SBF2: variants seen among roughly 807,000 people sequenced by gnomAD.
SBF2 encodes myotubularin-related protein 13.
Under a neutral mutation model 225.2 loss-of-function variants are expected in SBF2, and 112 were observed. The observed-to-expected ratio is 0.50, with a 90% confidence interval of 0.43 to 0.58. SBF2 has a LOEUF of 0.58. Ranked by LOEUF, SBF2 falls within the 20% of genes least tolerant of loss-of-function variation. The pLI is 0.00. For missense variants in SBF2, 1,996 were observed against 2,206.2 expected, an observed-to-expected ratio of 0.90 and a Z score of 1.91; for synonymous variants, 763 against 773.3, an observed-to-expected ratio of 0.99 and a Z score of 0.22.
At chr11:10,253,917 G>A (rs776894026) in intron 1 of SBF2, among the ~76,000 whole-genome samples, 4 of 152,132 alleles carry the variant, frequency 2.6e-5, no homozygotes, top group Non-Finnish European at 2.9e-5. Context: ...TATGGGAAAT[G>A]CAAATTAAAA....
intron 13 of SBF2, among the ~76,000 whole-genome samples, chr11:9,974,184 ATG>A (rs1366002267): frequency 6.6e-6 from 1 of 152,182 alleles, no homozygotes; most frequent in African/African-American, 2.4e-5. Context: ...ATTCAACTGA[ATG>A]TCTTATCCTT....
chr11:10,181,955 T>C (rs992325378), intron 2 of SBF2, among the ~76,000 whole-genome samples: 17 of 152,182 alleles, frequency 1.1e-4, no homozygotes, highest in African/African-American at 3.9e-4. Flanking sequence ...ATTTTGTACA[T>C]TGGTGACTTT....
At chr11:10,146,751 A>G (rs1954905485) in intron 2 of SBF2, among the ~76,000 whole-genome samples, 1 of 152,218 alleles carries the variant, frequency 6.6e-6, no homozygotes, top group Non-Finnish European at 1.5e-5. Flanking sequence ...GAGCTTCTGC[A>G]CAGCAAAAGA....
intron 9 of SBF2, among the ~76,000 whole-genome samples, chr11:9,996,904 G>C (rs1947728210): frequency 6.6e-6 from 1 of 152,206 alleles, no homozygotes; most frequent in Non-Finnish European, 1.5e-5. Flanking sequence ...AAGACCAGGA[G>C]ACAGCCTAGA....
chr11:9,822,660 T>C lies in SBF2; in HGVS notation c.3794-5636A>G, dbSNP rs191807491. On this transcript the variant is annotated intron_variant, in intron 28 of 39. Coordinates refer to ENST00000256190, the MANE Select transcript of SBF2 (RefSeq NM_030962.4). ...CTGCTTCAGGGAAGATATGACACAG[T>C]TCATTTTCCCCATAGGAATGCGTTA... Among the ~76,000 whole-genome samples, 10 of 152,308 alleles carry C rather than the reference T, an allele frequency of 6.6e-5. No individual in the cohort carries two copies. In the East Asian group the frequency reaches 1.9e-3, roughly 29 times the overall value.
chr11:9,927,839 C>T lies in SBF2; in HGVS notation c.1861-31828G>A, dbSNP rs181969684. 5.3e-5 allele frequency among the ~76,000 whole-genome samples: 8 copies of T among 152,148 alleles called. No homozygotes were observed. In the East Asian group the frequency reaches 1.3e-3, roughly 26 times the overall value. ...GCTAATGTCTGCACTTAAATCTATACTATTTTTCACAAAAGTGCAAAGCCA... is the reference window on the plus strand; with the variant it reads ...GCTAATGTCTGCACTTAAATCTATATTATTTTTCACAAAAGTGCAAAGCCA... On this transcript the variant is annotated intron_variant, in intron 16 of 39. Transcript: ENST00000256190.
intron 8 of SBF2, among the ~76,000 whole-genome samples, chr11:10,000,659 A>C (rs1947916806): frequency 6.6e-6 from 1 of 152,210 alleles, no homozygotes; most frequent in South Asian, 2.1e-4. Context: ...ATGTAAGATG[A>C]ATAATAAAGA....
intron 13 of SBF2, among the ~76,000 whole-genome samples, chr11:9,971,918 G>A (rs1946477660): frequency 6.6e-6 from 1 of 152,150 alleles, no homozygotes; most frequent in Non-Finnish European, 1.5e-5. Flanking sequence ...TTAGTGAAGG[G>A]TTAAAAGGAT....
intron 17 of SBF2, among the ~76,000 whole-genome samples, chr11:9,873,250 A>C (rs939572714): frequency 6.7e-6 from 1 of 149,690 alleles, no homozygotes; most frequent in Non-Finnish European, 1.5e-5. Flanking sequence ...AAAATGCTCT[A>C]TGTAGTTTGT....
intron 2 of SBF2, among the ~76,000 whole-genome samples, chr11:10,048,370 T>A (rs367546384): frequency 6.6e-6 from 1 of 152,212 alleles, no homozygotes; most frequent in East Asian, 1.9e-4. Flanking sequence ...TGGTTGTTTC[T>A]TTACTGTGAG....
At chr11:9,875,440 T>G (rs1171400126) in intron 17 of SBF2, among the ~76,000 whole-genome samples, 1 of 152,214 alleles carries the variant, frequency 6.6e-6, no homozygotes, top group African/African-American at 2.4e-5. Context: ...TATGTTTCAT[T>G]TGTACAGTTT....
At chr11:9,865,401 A>T (rs1476987159) in intron 17 of SBF2, among the ~76,000 whole-genome samples, 1 of 152,058 alleles carries the variant, frequency 6.6e-6, no homozygotes, top group Non-Finnish European at 1.5e-5. Flanking sequence ...TTTAAAAATG[A>T]GGAAAAAGCC....
At chr11:10,276,391 T>C (rs931845514) in intron 1 of SBF2, among the ~76,000 whole-genome samples, 4 of 152,164 alleles carry the variant, frequency 2.6e-5, no homozygotes, top group Admixed American at 2.0e-4. Flanking sequence ...GTTGGCCTAG[T>C]AAAATAGTTG....
chr11:10,076,835 T>G (rs1268357274), intron 2 of SBF2, among the ~76,000 whole-genome samples: 3 of 152,178 alleles, frequency 2.0e-5, no homozygotes, highest in Non-Finnish European at 4.4e-5. Context: ...TGATCCTCCT[T>G]GGGGACAGCA....
chr11:9,855,979 A>T (rs994500465), intron 19 of SBF2, among the ~76,000 whole-genome samples: 20 of 152,250 alleles, frequency 1.3e-4, no homozygotes, highest in African/African-American at 4.6e-4. Flanking sequence ...CAGTAGCCAG[A>T]GGACGGATTC....
intron 2 of SBF2, among the ~76,000 whole-genome samples, chr11:10,152,188 A>G (rs776814504): frequency 6.6e-6 from 1 of 152,172 alleles, no homozygotes; most frequent in Non-Finnish European, 1.5e-5. Flanking sequence ...ATAACTTAAA[A>G]ATTTTCGTCA....
intron 2 of SBF2, among the ~76,000 whole-genome samples, chr11:10,159,272 A>G (rs151313957): frequency 2.0e-5 from 3 of 152,342 alleles, no homozygotes; most frequent in African/African-American, 7.2e-5. Context: ...CCTTTCCCAA[A>G]GCAGACCTCC....
At chr11:10,028,348 T>A in intron 6 of SBF2, 104 bp downstream of exon 6, 1 of 789,606 alleles carries the variant, frequency 1.3e-6, no homozygotes, top group South Asian at 1.4e-5. Context: ...TTTAATGGTT[T>A]AAAAAACATT....
chr11:9,823,211 A>C (rs1854871471), intron 28 of SBF2, among the ~76,000 whole-genome samples: 1 of 152,186 alleles, frequency 6.6e-6, no homozygotes, highest in Non-Finnish European at 1.5e-5. Context: ...TAAATGAAAA[A>C]CAATGTGATC....
Sources: gnomAD v4.1 joint callset for allele counts (sites outside exome capture counted in the v4.1 genomes callset) on GRCh38, gnomAD v4.1.1 for gene constraint, MANE v1.5 for transcripts, NCBI Gene and HGNC (gene_info 2026-07-23, HGNC 2026-07-21) for gene names.